ATF1: variants seen among roughly 807,000 people sequenced by gnomAD.
ATF1 encodes the protein cyclic AMP-dependent transcription factor ATF-1.
Under a neutral mutation model 34.7 loss-of-function variants are expected in ATF1, and 16 were observed. That is an observed-to-expected ratio of 0.46 (90% CI 0.31 to 0.70). ATF1 has a LOEUF of 0.70. ATF1 is among the 30% of genes least tolerant of loss of function. The pLI is 0.05. For synonymous variants in ATF1, 105 were observed against 113.1 expected, an observed-to-expected ratio of 0.93 and a Z score of 0.46; for missense variants, 255 against 321.6, an observed-to-expected ratio of 0.79 and a Z score of 1.58.
chr12:50,796,137 C>T (rs1941404342), intron 3 of ATF1, 128 bp downstream of exon 3: 1 of 761,382 alleles, frequency 1.3e-6, no homozygotes, highest in Non-Finnish European at 2.0e-6. Flanking sequence ...TTGGCCCTCG[C>T]CTATAATCCC....
chr12:50,790,726 A>C (rs1941283470), intron 2 of ATF1, among the ~76,000 whole-genome samples: 1 of 151,842 alleles, frequency 6.6e-6, no homozygotes, highest in South Asian at 2.1e-4. Context: ...GAGGGAAGGA[A>C]TTGTCACTAT....
rs1056800627 is a variant in ATF1 at position 50,792,685 on chromosome 12, C to T, written c.94-3224C>T. 1.1e-3 allele frequency among the ~76,000 whole-genome samples: 165 copies of T among 152,008 alleles called. 5 individuals carry two copies. Among genetic ancestry groups the T allele is most frequent in the Non-Finnish European group, 1.8e-4 (12 of 68,000 alleles). ...GGCAAATAGAAAAGTTTTAGAATTT[C>T]TAGTTTCATGTATATAATACCTAGT... On this transcript the variant is annotated intron_variant, in intron 2 of 6. Coordinates refer to ENST00000262053, the MANE Select transcript of ATF1 (RefSeq NM_005171.5).
chr12:50,771,260 C>G (rs1940763449), intron 1 of ATF1, among the ~76,000 whole-genome samples: 1 of 152,182 alleles, frequency 6.6e-6, no homozygotes, highest in African/African-American at 2.4e-5. Context: ...CCTGCCTCGG[C>G]CTCCCAAAGT....
intron 3 of ATF1, among the ~76,000 whole-genome samples, chr12:50,804,016 T>C (rs1941566268): frequency 6.6e-6 from 1 of 152,322 alleles, no homozygotes; most frequent in African/African-American, 2.4e-5. Flanking sequence ...GTTCTAAAAT[T>C]AGATTATAGT....
chr12:50,796,079 A>G, intron 3 of ATF1, 70 bp downstream of exon 3: 1 of 1,277,734 alleles, frequency 7.8e-7, no homozygotes, highest in Non-Finnish European at 1.1e-6. Flanking sequence ...GTGCTGTGCA[A>G]AGTACACTAA....
intron 3 of ATF1, among the ~76,000 whole-genome samples, chr12:50,800,051 G>GACTT (rs1432328209): frequency 2.0e-5 from 3 of 152,242 alleles, no homozygotes; most frequent in South Asian, 4.1e-4. Flanking sequence ...TCATTGCCCA[G>GACTT]ACTTACCATA....
intron 1 of ATF1, among the ~76,000 whole-genome samples, chr12:50,779,410 C>T (rs571623438): frequency 2.0e-5 from 3 of 152,280 alleles, no homozygotes; most frequent in East Asian, 1.9e-4. Context: ...ACATCCTTGC[C>T]AACACTTAGT....
At chr12:50,815,847 A>G (rs1421838117) in intron 6 of ATF1, among the ~76,000 whole-genome samples, 2 of 152,258 alleles carry the variant, frequency 1.3e-5, no homozygotes, top group African/African-American at 2.4e-5. Flanking sequence ...TTCACGCACA[A>G]TAGCTAATAG....
At chr12:50,772,054 A>G (rs1478424271) in intron 1 of ATF1, among the ~76,000 whole-genome samples, 2 of 152,096 alleles carry the variant, frequency 1.3e-5, no homozygotes, top group African/African-American at 4.8e-5. Context: ...TTTCTTAATA[A>G]ACTTGCTTTT....
At position 50,809,596 on chromosome 12, in the gene ATF1, A is replaced by G. The variant is rs1941692634; in HGVS notation, c.328+7A>G. Reference sequence around the variant, plus strand: ...ACTAGCAGCGGACAGTACAGTATGTATAGGAATCAGTTTCCACATTATAAA... The same window carrying G: ...ACTAGCAGCGGACAGTACAGTATGTGTAGGAATCAGTTTCCACATTATAAA... On this transcript the variant is annotated splice_region_variant and intron_variant, in intron 4 of 6. Transcript: ENST00000262053. 6.3e-7 allele frequency: 1 copy of G among 1,599,018 alleles called. No homozygotes were observed. The highest frequency in any genetic ancestry group is 8.5e-7 in the Non-Finnish European group (1 of 1,172,630).
At chr12:50,814,880 T>C (rs944773295) in intron 6 of ATF1, among the ~76,000 whole-genome samples, 4 of 150,404 alleles carry the variant, frequency 2.7e-5, no homozygotes, top group Admixed American at 2.0e-4. Context: ...ACGCCTGTAA[T>C]CCCAGCTGAG....
chr12:50,786,377 T>C (rs1227643436), intron 2 of ATF1, among the ~76,000 whole-genome samples: 1 of 152,146 alleles, frequency 6.6e-6, no homozygotes, highest in Non-Finnish European at 1.5e-5. Flanking sequence ...GCAGGAAAAT[T>C]AATGAATTGC....
chr12:50,791,865 T>A (rs1489429467), intron 2 of ATF1, among the ~76,000 whole-genome samples: 3 of 152,184 alleles, frequency 2.0e-5, no homozygotes, highest in African/African-American at 4.8e-5. Context: ...CGCATCTGAT[T>A]TCAACAGAAA....
intron 3 of ATF1, among the ~76,000 whole-genome samples, chr12:50,803,551 C>G (rs961386026): frequency 1.1e-4 from 16 of 151,086 alleles, no homozygotes; most frequent in African/African-American, 2.9e-4. Context: ...GGCAGTTCTT[C>G]AGAATACTAA....
chr12:50,812,111 TCAGA>T lies in ATF1; in HGVS notation c.329-1895_329-1892del, dbSNP rs374215774. 4.1e-4 allele frequency among the ~76,000 whole-genome samples: 63 copies of T among 152,226 alleles called. 1 individual carries two copies. Among genetic ancestry groups the T allele is most frequent in the African/African-American group, 1.4e-3 (57 of 41,550 alleles). On this transcript the variant is annotated intron_variant, in intron 4 of 6. Transcript: ENST00000262053. ...ATAGCCACATGGAGCTAATACCCTATCAGACAGCTCAGTTTTAGAATAAATACAG... is the reference window on the plus strand; with the variant it reads ...ATAGCCACATGGAGCTAATACCCTATCAGCTCAGTTTTAGAATAAATACAG...
intron 4 of ATF1, among the ~76,000 whole-genome samples, chr12:50,810,941 G>A (rs1941724002): frequency 6.6e-6 from 1 of 151,728 alleles, no homozygotes; most frequent in African/African-American, 2.4e-5. Context: ...AAATCCTCTA[G>A]TGACATTTTA....
chr12:50,804,985 G>C (rs1037602122), intron 3 of ATF1, among the ~76,000 whole-genome samples: 1 of 151,680 alleles, frequency 6.6e-6, no homozygotes, highest in African/African-American at 2.4e-5. Flanking sequence ...AACTTTTTTT[G>C]TATTTTTAGT....
chr12:50,772,474 G>A (rs1940798929), intron 1 of ATF1, among the ~76,000 whole-genome samples: 1 of 151,948 alleles, frequency 6.6e-6, no homozygotes, highest in Non-Finnish European at 1.5e-5. Flanking sequence ...TTATAGGCAT[G>A]TGCCACCACC....
intron 1 of ATF1, among the ~76,000 whole-genome samples, chr12:50,767,308 A>C (rs1029468303): frequency 6.6e-6 from 1 of 152,100 alleles, no homozygotes; most frequent in Non-Finnish European, 1.5e-5. Flanking sequence ...CCCTGAGGTC[A>C]GGAGTTTGAG....
Sources: allele counts gnomAD v4.1 joint callset (sites outside exome capture counted in the v4.1 genomes callset), GRCh38; gene constraint gnomAD v4.1.1; transcripts MANE v1.5; gene names NCBI Gene and HGNC (gene_info 2026-07-23, HGNC 2026-07-21).